The following NDUFS1 variants were observed in gnomAD, a reference collection of about 807,000 sequenced individuals.
The protein encoded by NDUFS1 is NADH:ubiquinone oxidoreductase core subunit S1, also known as NADH-ubiquinone oxidoreductase 75 kDa subunit, mitochondrial.
Under a neutral mutation model 84.4 loss-of-function variants are expected in NDUFS1, and 61 were observed. The observed-to-expected ratio is 0.72, with a 90% CI of 0.59 to 0.89. The LOEUF (loss-of-function observed/expected upper bound fraction) is 0.89, where lower values mean the gene tolerates loss of function less well. Ranked by LOEUF, NDUFS1 falls within the 40% of genes least tolerant of loss-of-function variation. NDUFS1 has a pLI of 0.00. For missense variants in NDUFS1, 891 were observed against 890.0 expected (o/e 1.00, Z -0.01); for synonymous variants, 275 against 290.0 (o/e 0.95, Z 0.53).
intron 1 of NDUFS1, among the ~76,000 whole-genome samples, 191 bp from the exon 2 acceptor site, chr2:206,153,873 G>A (rs1020331405): frequency 1.3e-5 from 2 of 152,172 alleles, no homozygotes; most frequent in South Asian, 4.1e-4. Context: ...ATGTCAAAGA[G>A]CTAAGCAGCA....
rs1315324403 is a variant in NDUFS1, at chr2:206,144,986, T to C, written c.778A>G (p.Asn260Asp). The part of the protein sequence containing the change: ...SIDVMDAVGS[N>D]IVVSTRTGEV... ...CCAGTTCTTGTGCTAACCACAATAT[T>C]ACTTCCAACCGCATCCATTACATCA... Residue 260 changes from asparagine (N) to aspartate (D), a missense_variant, in exon 9 of 19, where the codon AAT becomes GAT. Coordinates refer to ENST00000233190, the MANE Select transcript of NDUFS1 (RefSeq NM_005006.7). The C allele has an allele frequency of 6.2e-7, 1 of 1,614,042 alleles. No individual in the cohort carries two copies. The highest frequency in any genetic ancestry group is 8.5e-7 in the Non-Finnish European group (1 of 1,179,954).
intron 12 of NDUFS1, among the ~76,000 whole-genome samples, chr2:206,139,310 G>A (rs923019902): frequency 2.0e-5 from 3 of 151,450 alleles, no homozygotes; most frequent in East Asian, 3.9e-4. Context: ...CTCACCCTCC[G>A]GAGTAGCTGG....
At position 206,146,245 on chromosome 2, in the gene NDUFS1, CA is replaced by C. The variant is rs548224806; in HGVS notation, c.737+657del. On this transcript the variant is annotated intron_variant, in intron 8 of 18. Coordinates refer to ENST00000233190, the MANE Select transcript of NDUFS1 (RefSeq NM_005006.7). ...GAATATTAAAATATGTTGAAAGAAC[CA>C]AAGAAAATCATATTTAAAAATTGAA... 1.7e-4 allele frequency among the ~76,000 whole-genome samples: 26 copies of C among 152,128 alleles called. No individual in the cohort carries two copies. In the East Asian group the frequency reaches 5.0e-3, roughly 29 times the overall value.
At position 206,122,243 on chromosome 2, in the gene NDUFS1, G is replaced by T. The variant is rs991174530; in HGVS notation, c.*1942C>A. 1 of 151,696 alleles carries T rather than the reference G, an allele frequency of 6.6e-6. No individual in the cohort carries two copies. The highest frequency in any genetic ancestry group is 2.4e-5 in the African/African-American group (1 of 41,286). The allele number at this position is 151,696 out of a possible 1,614,324, so 9.4% of individuals were successfully genotyped here. ...TCCTGCCTTGAACCCCCAAAATGCT[G>T]GGCTTACAGGTGTGAGCCACTGCAC... is the stretch of plus-strand genomic sequence containing the variant. On this transcript the variant is annotated 3_prime_UTR_variant, in exon 19 of 19. Coordinates refer to ENST00000233190, the MANE Select transcript of NDUFS1 (RefSeq NM_005006.7).
At chr2:206,158,189 C>T (rs1687748430) in intron 1 of NDUFS1, among the ~76,000 whole-genome samples, 1 of 152,026 alleles carries the variant, frequency 6.6e-6, no homozygotes, top group Non-Finnish European at 1.5e-5. Context: ...GTCTCGATCT[C>T]CTGGCCTCGT....
In NDUFS1 at chr2:206,130,105, C is replaced by T. The variant is rs746942722; in HGVS notation, c.1691G>A (p.Cys564Tyr). ...CITRQDLPKD[C>Y]FIIYQGHHGD... ...ATACTTACCTTGATAAATAATGAAA[C>T]AATCCTTTGGCAAATCCTGTCGTGT... Residue 564 changes from cysteine (C) to tyrosine (Y), a missense_variant, in exon 15 of 19, where the codon TGT becomes TAT. Physicochemically the swap from Cys to Tyr is radical, Grantham distance 194. Coordinates refer to ENST00000233190, the MANE Select transcript of NDUFS1 (RefSeq NM_005006.7). 1.1e-5 allele frequency: 17 copies of T among 1,613,996 alleles called. No individual in the cohort carries two copies. Among genetic ancestry groups the T allele is most frequent in the African/African-American group, 1.3e-5 (1 of 74,906 alleles).
At chr2:206,159,009 C>G (rs979423884) in intron 1 of NDUFS1, 2 of 1,419,822 alleles carry the variant, frequency 1.4e-6, no homozygotes, top group African/African-American at 2.8e-5. Context: ...GACACTGGTC[C>G]TCTCCCGGGG....
intron 8 of NDUFS1, among the ~76,000 whole-genome samples, chr2:206,145,581 A>C (rs904987308): frequency 6.6e-6 from 1 of 152,220 alleles, no homozygotes; most frequent in Non-Finnish European, 1.5e-5. Context: ...TAAGGAGCTC[A>C]AAAAACCTTC....
chr2:206,121,960 G>A lies in NDUFS1; in HGVS notation c.*2225C>T, dbSNP rs970040740. 2.6e-5 allele frequency: 4 copies of A among 152,162 alleles called. No homozygotes were observed. The highest frequency in any genetic ancestry group is 9.7e-5 in the African/African-American group (4 of 41,438). The allele number at this position is 152,162 out of a possible 1,614,324, so 9.4% of individuals were successfully genotyped here. On this transcript the variant is annotated 3_prime_UTR_variant, in exon 19 of 19. Coordinates refer to ENST00000233190, the MANE Select transcript of NDUFS1 (RefSeq NM_005006.7). Reference sequence around the variant, plus strand: ...ACTATGTCCCCTCAAGATGAGCACAGTGCTAAGAGGTAAGAGATGGGAAGT... The same window carrying A: ...ACTATGTCCCCTCAAGATGAGCACAATGCTAAGAGGTAAGAGATGGGAAGT...
Position 206,116,453 on chromosome 2 carries a change from C to T in NDUFS1, c.*7732G>A. ...GCGCGGCAGGTGCCAGGACCACGTGCAGGCTGCAGAGCACGGCCCGCACGC... is the reference window on the plus strand; with the variant it reads ...GCGCGGCAGGTGCCAGGACCACGTGTAGGCTGCAGAGCACGGCCCGCACGC... On this transcript the variant is annotated 3_prime_UTR_variant, in exon 19 of 19. Transcript: ENST00000233190. 9.9e-7 allele frequency: 1 copy of T among 1,013,640 alleles called. No homozygotes were observed. The highest frequency in any genetic ancestry group is 1.5e-6 in the Non-Finnish European group (1 of 668,188). 62.8% of individuals were successfully genotyped at this position (1,013,640 alleles called of 1,614,324 possible).
In NDUFS1 at chr2:206,126,578, C is replaced by T. The variant is rs540872475; in HGVS notation, c.2053G>A (p.Val685Ile). ...TCTTTTATAGTTAGCTGAGGTGGAA[C>T]AAGTGGGTCAGCAAGAAGCTGCTGG... ...VNQQLLADPL[V>I]PPQLTIKDFY... The change falls in exon 18 of 19, where the codon GTT (valine) becomes ATT (isoleucine). Residue 685 changes from valine (V) to isoleucine (I), a missense_variant. Val to Ile is a conservative substitution (Grantham distance 29). Transcript: ENST00000233190. The T allele has an allele frequency of 6.2e-7, 1 of 1,614,062 alleles. No individual in the cohort carries two copies. The highest frequency in any genetic ancestry group is 2.2e-5 in the East Asian group (1 of 44,866).
chr2:206,146,724 T>A (rs1411043098), intron 8 of NDUFS1, among the ~76,000 whole-genome samples, 179 bp downstream of exon 8: 1 of 152,224 alleles, frequency 6.6e-6, no homozygotes, highest in Non-Finnish European at 1.5e-5. Flanking sequence ...AAACTACAGT[T>A]AATTTGCACA....
At chr2:206,141,153 T>C (rs1340056250) in intron 12 of NDUFS1, among the ~76,000 whole-genome samples, 1 of 152,096 alleles carries the variant, frequency 6.6e-6, no homozygotes, top group Admixed American at 6.6e-5. Flanking sequence ...TGGCAGTTCA[T>C]GCCTGTAATC....
rs1349231723 is a variant in NDUFS1 at position 206,121,724 on chromosome 2, TTACA to T, written c.*2457_*2460del. On this transcript the variant is annotated 3_prime_UTR_variant, in exon 19 of 19. Transcript: ENST00000233190. ...GCCTCAGCCTGCCAAAGTGCTGGGA[TTACA>T]GGTGTGAGCCACCGCGCCCGGTCCA... 6.6e-6 allele frequency: 1 copy of T among 152,250 alleles called. No homozygotes were observed. Among genetic ancestry groups the T allele is most frequent in the African/African-American group, 2.4e-5 (1 of 41,420 alleles). 9.4% of individuals were successfully genotyped at this position (152,250 alleles called of 1,614,324 possible). A position where few individuals can be genotyped will look rare whatever the true frequency, so the allele number is the denominator to read the frequency against.
At chr2:206,153,503 A>G in intron 2 of NDUFS1, 115 bp downstream of exon 2, 1 of 701,144 alleles carries the variant, frequency 1.4e-6, no homozygotes, top group South Asian at 1.6e-5. Context: ...GCCGGTTTCT[A>G]TTTTTATTTT....
Position 206,156,253 on chromosome 2 carries a change from ACT to A in NDUFS1, c.-4-2573_-4-2572del, listed in dbSNP as rs554059328. Among the ~76,000 whole-genome samples, 10 of 120,862 alleles carry A rather than the reference ACT, an allele frequency of 8.3e-5. No individual in the cohort carries two copies. In the South Asian group the frequency reaches 1.1e-3, roughly 13 times the overall value. 79.3% of individuals were successfully genotyped at this position (120,862 alleles called of 152,430 possible). ...ACTCCAGCCTGGGCGACAGAGCAAC[ACT>A]CTGTCTCAAAAAAAAAAAAAAAAAA... On this transcript the variant is annotated intron_variant, in intron 1 of 18. Coordinates refer to ENST00000233190, the MANE Select transcript of NDUFS1 (RefSeq NM_005006.7).
rs1018820577 is a variant in NDUFS1, at chr2:206,153,178, T to C, written c.61+440A>G. Among the ~76,000 whole-genome samples, 9 of 152,060 alleles carry C rather than the reference T, an allele frequency of 5.9e-5. No homozygotes were observed. The East Asian group carries it at 1.5e-3, about 26-fold the overall frequency. On this transcript the variant is annotated intron_variant, in intron 2 of 18. Coordinates refer to ENST00000233190, the MANE Select transcript of NDUFS1 (RefSeq NM_005006.7). ...AATTATATTTTGAAAATTATTCAAC[T>C]TAGATCATTTGTTTCTTCTTTTTTT...
Position 206,145,012 on chromosome 2 carries a change from A to G in NDUFS1, c.752T>C (p.Ile251Thr), listed in dbSNP as rs770090216. ...RPWETRKTESIDVMDAVGSNI... is the reference protein window; with the variant it reads ...RPWETRKTESTDVMDAVGSNI... The stretch of plus-strand genomic sequence containing the variant: ...ACTTCCAACCGCATCCATTACATCA[A>G]TGGATTCTGTCTTTCTGAGAAACAC... Residue 251 changes from isoleucine (I) to threonine (T), a missense_variant, in exon 9 of 19, where the codon ATT becomes ACT. By Grantham distance (89) the Ile-to-Thr change is moderately conservative (BLOSUM62 -1). Transcript: ENST00000233190. The G allele has an allele frequency of 3.7e-6, 6 of 1,613,784 alleles. No homozygotes were observed. Among genetic ancestry groups the G allele is most frequent in the Non-Finnish European group, 5.1e-6 (6 of 1,179,940 alleles).
In NDUFS1 at chr2:206,159,416, T is replaced by C; in HGVS notation, c.-80A>G. 1 of 486,592 alleles carries C rather than the reference T, an allele frequency of 2.1e-6. No homozygotes were observed. Among genetic ancestry groups the C allele is most frequent in the South Asian group, 3.0e-5 (1 of 33,632 alleles). 30.1% of individuals were successfully genotyped at this position (486,592 alleles called of 1,614,324 possible). On this transcript the variant is annotated 5_prime_UTR_variant, in exon 1 of 19. In the 5' UTR this introduces an upstream ATG that the reference lacks. Coordinates refer to ENST00000233190, the MANE Select transcript of NDUFS1 (RefSeq NM_005006.7). Reference sequence around the variant, plus strand: ...CGACCCCCTAGGAGGCCGGGTCGCTTATTCAATATGGCGGCCTCGGCTAAC... The same window carrying C: ...CGACCCCCTAGGAGGCCGGGTCGCTCATTCAATATGGCGGCCTCGGCTAAC...
Sources: gnomAD v4.1 joint callset for allele counts (sites outside exome capture counted in the v4.1 genomes callset) on GRCh38, gnomAD v4.1.1 for gene constraint, MANE v1.5 for transcripts, NCBI Gene and HGNC (gene_info 2026-07-23, HGNC 2026-07-21) for gene names.